Variants in CSMD1 observed in about 807,000 individuals in gnomAD.
CSMD1 encodes the protein CUB and sushi domain-containing protein 1.
A neutral mutation model predicts 417.5 loss-of-function variants in CSMD1; 213 were observed. The observed-to-expected ratio is 0.51, with a 90% confidence interval of 0.46 to 0.57. The LOEUF is 0.57. Ranked by LOEUF, CSMD1 falls within the 20% of genes least tolerant of loss-of-function variation. The pLI, the probability that CSMD1 is intolerant of heterozygous loss-of-function variation, is 0.00. For missense variants in CSMD1, 6,923 were observed against 4,529.7 expected (o/e 1.53, Z -15.17); for synonymous variants, 2,862 against 1,736.8 (o/e 1.65, Z -16.11).
intron 5 of CSMD1, among the ~76,000 whole-genome samples, chr8:3,912,351 G>A (rs2129139916): frequency 6.6e-6 from 1 of 152,278 alleles, no homozygotes; most frequent in East Asian, 1.9e-4. Flanking sequence ...GTCAAAACAT[G>A]TATTTAGGAT....
At chr8:3,166,643 G>C (rs1427090128) in intron 37 of CSMD1, among the ~76,000 whole-genome samples, 1 of 152,184 alleles carries the variant, frequency 6.6e-6, no homozygotes. Flanking sequence ...CTCTCATATT[G>C]TCAAGCCAGG....
intron 3 of CSMD1, among the ~76,000 whole-genome samples, chr8:4,367,286 G>C (rs1013853767): frequency 5.3e-5 from 8 of 152,142 alleles, no homozygotes; most frequent in African/African-American, 1.9e-4. Context: ...AGTCTAGACA[G>C]TTTTCCCAGC....
intron 3 of CSMD1, among the ~76,000 whole-genome samples, chr8:4,097,599 T>A (rs1183060634): frequency 1.1e-4 from 16 of 152,188 alleles, no homozygotes; most frequent in Admixed American, 1.0e-3. Flanking sequence ...CCAGATTGAT[T>A]AGCTTATGTT....
intron 3 of CSMD1, among the ~76,000 whole-genome samples, chr8:4,079,320 T>C (rs1287233773): frequency 6.6e-6 from 1 of 152,148 alleles, no homozygotes; most frequent in Non-Finnish European, 1.5e-5. Flanking sequence ...GACTAGGCAA[T>C]GTCTGCATCC....
intron 2 of CSMD1, among the ~76,000 whole-genome samples, chr8:4,477,312 C>G (rs1164692572): frequency 6.6e-6 from 1 of 152,098 alleles, no homozygotes; most frequent in Admixed American, 6.6e-5. Context: ...CGTGGGGAAG[C>G]CGAGGCGTTG....
chr8:4,093,123 C>T (rs1202681515), intron 3 of CSMD1, among the ~76,000 whole-genome samples: 1 of 152,102 alleles, frequency 6.6e-6, no homozygotes, highest in African/African-American at 2.4e-5. Context: ...CTAAAATCTC[C>T]AGCCATAAAT....
intron 4 of CSMD1, among the ~76,000 whole-genome samples, chr8:4,023,753 A>ATT (rs760333220): frequency 1.6e-3 from 80 of 50,112 alleles, no homozygotes; most frequent in Non-Finnish European, 1.9e-3. Context: ...CGCTCGGCTA[A>ATT]TTTTTTTTTT....
At chr8:4,389,278 A>C (rs1419118408) in intron 3 of CSMD1, among the ~76,000 whole-genome samples, 1 of 152,204 alleles carries the variant, frequency 6.6e-6, no homozygotes, top group Non-Finnish European at 1.5e-5. Flanking sequence ...ATACAGAACC[A>C]GGAGAATTAG....
At chr8:4,358,056 A>G (rs1304158379) in intron 3 of CSMD1, among the ~76,000 whole-genome samples, 6 of 152,202 alleles carry the variant, frequency 3.9e-5, no homozygotes, top group Non-Finnish European at 8.8e-5. Context: ...GCTGATTTAC[A>G]TGTATACTTA....
At position 4,211,632 on chromosome 8, in the gene CSMD1, C is replaced by G. The variant is rs528838562; in HGVS notation, c.416-179533G>C. ...GTTGCTCCATAAGAACAGTAAATATCCCATCGTACTAAAATCTGTAAATAT... is the reference window on the plus strand; with the variant it reads ...GTTGCTCCATAAGAACAGTAAATATGCCATCGTACTAAAATCTGTAAATAT... On this transcript the variant is annotated intron_variant, in intron 3 of 69. Transcript: ENST00000635120. Among the ~76,000 whole-genome samples the G allele has an allele frequency of 5.5e-4, 84 of 152,282 alleles. 1 individual carries two copies. In the South Asian group the frequency reaches 0.012, roughly 23 times the overall value.
intron 5 of CSMD1, among the ~76,000 whole-genome samples, chr8:3,792,109 A>G: frequency 6.6e-6 from 1 of 152,220 alleles, no homozygotes; most frequent in African/African-American, 2.4e-5. Flanking sequence ...GCCTGGGCCA[A>G]ATAGGGAGAC....
chr8:4,801,171 ACTGT>A (rs1204367026), intron 1 of CSMD1, among the ~76,000 whole-genome samples: 14 of 152,342 alleles, frequency 9.2e-5, no homozygotes, highest in Non-Finnish European at 1.0e-4. Flanking sequence ...CTTACTTCAG[ACTGT>A]CTGTGCCCTT....
intron 3 of CSMD1, among the ~76,000 whole-genome samples, chr8:4,215,441 A>G (rs1044204337): frequency 9.9e-5 from 15 of 152,116 alleles, no homozygotes; most frequent in Non-Finnish European, 2.1e-4. Context: ...AAAAGACTCA[A>G]TGCTTCCTGA....
chr8:4,216,510 G>C (rs768376627), intron 3 of CSMD1, among the ~76,000 whole-genome samples: 3 of 152,148 alleles, frequency 2.0e-5, no homozygotes, highest in South Asian at 2.1e-4. Context: ...TGCTTATTCA[G>C]TACCCCCACG....
chr8:3,083,610 T>TATATATATATATA lies in CSMD1; in HGVS notation c.7474+3486_7474+3487insTATATATATATAT, dbSNP rs1563320328. Among the ~76,000 whole-genome samples the TATATATATATATA allele has an allele frequency of 2.0e-3, 62 of 30,902 alleles. 8 individuals are homozygous for TATATATATATATA. The highest frequency in any genetic ancestry group is 2.4e-3 in the Non-Finnish European group (44 of 18,592). 20.3% of individuals were successfully genotyped at this position (30,902 alleles called of 152,430 possible). ...TCCACGGTGACAGTTACCATAATTTTTATATATATATATATATATATATAT... is the reference window on the plus strand; with the variant it reads ...TCCACGGTGACAGTTACCATAATTTTATATATATATATATATATATATATATATATATATATAT... On this transcript the variant is annotated intron_variant, in intron 49 of 69. Coordinates refer to ENST00000635120, the MANE Select transcript of CSMD1 (RefSeq NM_033225.6).
At chr8:4,957,636 ATG>A (rs1377320216) in intron 1 of CSMD1, among the ~76,000 whole-genome samples, 4 of 152,212 alleles carry the variant, frequency 2.6e-5, no homozygotes, top group African/African-American at 4.8e-5. Context: ...GAAATAAATG[ATG>A]TTTACCATTC....
At chr8:4,450,919 G>A (rs904011102) in intron 2 of CSMD1, among the ~76,000 whole-genome samples, 2 of 152,084 alleles carry the variant, frequency 1.3e-5, no homozygotes, top group Non-Finnish European at 2.9e-5. Context: ...AAATCATGGA[G>A]AGGAAAGGGC....
intron 1 of CSMD1, among the ~76,000 whole-genome samples, chr8:4,878,435 G>A (rs1233331496): frequency 5.9e-5 from 9 of 151,914 alleles, no homozygotes; most frequent in Non-Finnish European, 5.9e-5. Flanking sequence ...GATTAAAAAT[G>A]TCCTTGTGGG....
chr8:4,152,364 T>C (rs1439337014), intron 3 of CSMD1, among the ~76,000 whole-genome samples: 1 of 152,122 alleles, frequency 6.6e-6, no homozygotes, highest in Admixed American at 6.6e-5. Flanking sequence ...GCAGGAATGC[T>C]TATGTACTAA....
Sources: allele counts gnomAD v4.1 joint callset (sites outside exome capture counted in the v4.1 genomes callset), GRCh38; gene constraint gnomAD v4.1.1; transcripts MANE v1.5; gene names NCBI Gene and HGNC (gene_info 2026-07-23, HGNC 2026-07-21).